The following DLGAP1 variants were observed in gnomAD, a reference collection of about 807,000 sequenced individuals.
DLGAP1 encodes DLG associated protein 1, also known as disks large-associated protein 1.
A neutral mutation model predicts 90.8 loss-of-function variants in DLGAP1; 11 were observed. The observed-to-expected ratio is 0.12, with a 90% CI of 0.08 to 0.20. The LOEUF (loss-of-function observed/expected upper bound fraction) is 0.20. DLGAP1 is among the 10% of genes least tolerant of loss of function. The probability of loss-of-function intolerance (pLI) is 1.00; values close to 1 mark genes in which losing one functional copy is unlikely to be tolerated. For missense variants in DLGAP1, 1,050 were observed against 1,333.8 expected (o/e 0.79, Z 3.31); for synonymous variants, 558 against 540.7 (o/e 1.03, Z -0.44).
At chr18:3,694,235 G>T (rs188574989) in intron 7 of DLGAP1, among the ~76,000 whole-genome samples, 53 of 152,260 alleles carry the variant, frequency 3.5e-4, no homozygotes, top group African/African-American at 1.2e-3. Flanking sequence ...TTTTATGGCT[G>T]CATAGTATTC....
chr18:4,278,153 G>C lies in DLGAP1; in HGVS notation c.-266-126866C>G, dbSNP rs536175162. Among the ~76,000 whole-genome samples, 55 of 152,126 alleles carry C rather than the reference G, an allele frequency of 3.6e-4. 1 individual carries two copies. In the South Asian group the frequency reaches 6.8e-3, roughly 19 times the overall value. On this transcript the variant is annotated intron_variant, in intron 1 of 12. Transcript: ENST00000315677. The stretch of plus-strand genomic sequence containing the variant: ...TTTTTAAATACAGCATGTTATGTGA[G>C]TTAAATATGTATACAAAAAGGCTAT...
intron 1 of DLGAP1, among the ~76,000 whole-genome samples, chr18:4,266,990 C>A (rs1316661402): frequency 6.6e-6 from 1 of 152,132 alleles, no homozygotes; most frequent in Non-Finnish European, 1.5e-5. Context: ...ATGTGCTCAC[C>A]CACCCACTGA....
chr18:3,728,936 A>G (rs1260535100), intron 7 of DLGAP1, among the ~76,000 whole-genome samples, 199 bp downstream of exon 7: 2 of 152,130 alleles, frequency 1.3e-5, no homozygotes, highest in African/African-American at 2.4e-5. Context: ...TGCCAGAGAT[A>G]GAGATGGGAA....
At chr18:4,375,259 A>G (rs1378181365) in intron 1 of DLGAP1, among the ~76,000 whole-genome samples, 1 of 152,150 alleles carries the variant, frequency 6.6e-6, no homozygotes, top group Non-Finnish European at 1.5e-5. Context: ...ATGAGGAACG[A>G]AGCTACAGAA....
intron 2 of DLGAP1, among the ~76,000 whole-genome samples, chr18:4,128,894 C>T (rs766353984): frequency 2.0e-5 from 3 of 152,024 alleles, no homozygotes; most frequent in Non-Finnish European, 4.4e-5. Context: ...TGGTAAACAC[C>T]GGCATTTTTT....
At chr18:4,349,165 G>A (rs2081358429) in intron 1 of DLGAP1, among the ~76,000 whole-genome samples, 1 of 152,146 alleles carries the variant, frequency 6.6e-6, no homozygotes, top group Admixed American at 6.5e-5. Context: ...TTGACATCAT[G>A]TAACTCCTCA....
At chr18:4,139,310 T>C (rs2076457730) in intron 2 of DLGAP1, among the ~76,000 whole-genome samples, 1 of 152,026 alleles carries the variant, frequency 6.6e-6, no homozygotes, top group Non-Finnish European at 1.5e-5. Context: ...TAGGCTTTCA[T>C]ACGTTGTGTT....
In DLGAP1 at chr18:3,775,476, T is replaced by C. The variant is rs2064898522; in HGVS notation, c.1173-32964A>G. Among the ~76,000 whole-genome samples the C allele has an allele frequency of 6.6e-6, 1 of 152,180 alleles. No individual in the cohort carries two copies. Among genetic ancestry groups the C allele is most frequent in the Admixed American group, 6.5e-5 (1 of 15,276 alleles). On this transcript the variant is annotated intron_variant, in intron 5 of 12. Coordinates refer to ENST00000315677, the MANE Select transcript of DLGAP1 (RefSeq NM_004746.4). This position sits in a 1 kb window ranked among gnomAD's most constrained non-coding sequence, Gnocchi z 4.9. ...CCTACTGCTCCAGCAATGTAGGACATGCCTGCTTCCCTTTCCCCTTCCACC... is the reference window on the plus strand; with the variant it reads ...CCTACTGCTCCAGCAATGTAGGACACGCCTGCTTCCCTTTCCCCTTCCACC...
intron 9 of DLGAP1, among the ~76,000 whole-genome samples, chr18:3,543,331 T>C (rs55794595): frequency 0.46 from 70,469 of 151,802 alleles, 20,012 homozygotes; most frequent in African/African-American, 0.81. Flanking sequence ...CCACCACGCC[T>C]GGCTATTTTT....
At chr18:4,214,125 T>C (rs1181737168) in intron 1 of DLGAP1, among the ~76,000 whole-genome samples, 1 of 152,132 alleles carries the variant, frequency 6.6e-6, no homozygotes, top group African/African-American at 2.4e-5. Context: ...AAGAGGACTT[T>C]GGACTTTATT....
At chr18:4,302,581 G>A (rs1197835012) in intron 1 of DLGAP1, among the ~76,000 whole-genome samples, 1 of 152,004 alleles carries the variant, frequency 6.6e-6, no homozygotes, top group Non-Finnish European at 1.5e-5. Flanking sequence ...TATTGACAAT[G>A]TGTCTATTTT....
chr18:4,096,694 C>T (rs781423470), intron 2 of DLGAP1, among the ~76,000 whole-genome samples: 9 of 152,128 alleles, frequency 5.9e-5, no homozygotes, highest in Non-Finnish European at 1.3e-4. Context: ...GTTCAGAGTC[C>T]TCAGACAACC....
At chr18:3,985,554 ATACTC>A (rs2073825335) in intron 3 of DLGAP1, among the ~76,000 whole-genome samples, 1 of 151,878 alleles carries the variant, frequency 6.6e-6, no homozygotes, top group Non-Finnish European at 1.5e-5. Context: ...AACAAAATAA[ATACTC>A]TATAAGTGTT....
intron 7 of DLGAP1, among the ~76,000 whole-genome samples, chr18:3,681,841 G>A (rs906289624): frequency 7.9e-5 from 12 of 152,106 alleles, no homozygotes; most frequent in African/African-American, 2.9e-4. Context: ...ATTTAAAAGT[G>A]TGTGGTGGCT....
chr18:4,200,098 T>A (rs149158638), intron 1 of DLGAP1, among the ~76,000 whole-genome samples: 2 of 152,296 alleles, frequency 1.3e-5, no homozygotes, highest in East Asian at 3.9e-4. Flanking sequence ...ACAATTGGAT[T>A]CCAAGTATTT....
intron 3 of DLGAP1, among the ~76,000 whole-genome samples, chr18:3,939,373 C>A (rs1171212843): frequency 1.5e-5 from 2 of 132,732 alleles, no homozygotes; most frequent in Non-Finnish European, 3.1e-5. Flanking sequence ...GCTGAGATTG[C>A]ACCACTGCAT....
intron 6 of DLGAP1, among the ~76,000 whole-genome samples, chr18:3,741,021 C>T (rs1277502298): frequency 3.3e-4 from 26 of 79,666 alleles, no homozygotes; most frequent in African/African-American, 1.4e-3. Flanking sequence ...CCACCATCAC[C>T]ACCACCACCA....
At chr18:3,763,285 T>C (rs2064057769) in intron 5 of DLGAP1, among the ~76,000 whole-genome samples, 1 of 152,168 alleles carries the variant, frequency 6.6e-6, no homozygotes, top group African/African-American at 2.4e-5. Context: ...AACATCGGCC[T>C]CCAGATTCTT....
At chr18:3,947,755 C>A (rs572724141) in intron 3 of DLGAP1, among the ~76,000 whole-genome samples, 2 of 152,136 alleles carry the variant, frequency 1.3e-5, no homozygotes, top group African/African-American at 4.8e-5. Flanking sequence ...CTAATCTTAC[C>A]GGTTGGAGAA....
Sources: gnomAD v4.1 joint callset for allele counts (sites outside exome capture counted in the v4.1 genomes callset) on GRCh38, gnomAD v4.1.1 for gene constraint, Gnocchi (gnomAD v3.1) non-coding constraint, MANE v1.5 for transcripts, NCBI Gene and HGNC (gene_info 2026-07-23, HGNC 2026-07-21) for gene names.